Variants in DENND1A observed in about 807,000 individuals in gnomAD.
DENND1A encodes the protein DENN domain-containing protein 1A.
A neutral mutation model predicts 113.7 loss-of-function variants in DENND1A; 51 were observed. The observed-to-expected ratio is 0.45, with a 90% CI of 0.36 to 0.57. The LOEUF is 0.57. Among genes scored for constraint, DENND1A ranks in the 20% least tolerant of loss-of-function variants. The probability of loss-of-function intolerance (pLI) is 0.00; values close to 1 mark genes in which losing one functional copy is unlikely to be tolerated. For synonymous variants in DENND1A, 565 were observed against 570.8 expected (o/e 0.99, Z 0.14); for missense variants, 1,258 against 1,395.9 (o/e 0.90, Z 1.57).
rs147586995 is a variant in DENND1A, at chr9:123,780,132, G to T, written c.133-10569C>A. Among the ~76,000 whole-genome samples, 1,078 of 152,284 alleles carry T rather than the reference G, an allele frequency of 7.1e-3. 4 individuals are homozygous for T. Among genetic ancestry groups the T allele is most frequent in the South Asian group, 0.016 (76 of 4,830 alleles). On this transcript the variant is annotated intron_variant, in intron 3 of 23. Coordinates refer to ENST00000394215, the MANE Select transcript of DENND1A (RefSeq NM_001352964.2). ...GCGTCCCAAAGTACTGGGATTACAG[G>T]CGTGAGCCACCATGCCCAGTCTTGC...
rs144335906 is a variant in DENND1A, at chr9:123,558,155, C to T, written c.868-460G>A. 2.1e-3 allele frequency among the ~76,000 whole-genome samples: 321 copies of T among 152,168 alleles called. 1 individual carries two copies. The highest frequency in any genetic ancestry group is 7.2e-3 in the Admixed American group (110 of 15,296). ...TTACAATTTAGTTATTTTAACAATC[C>T]GGTGAGGAAGGGATTAATGTTCCCA... On this transcript the variant is annotated intron_variant, in intron 12 of 23. Coordinates refer to ENST00000394215, the MANE Select transcript of DENND1A (RefSeq NM_001352964.2).
At chr9:123,806,598 G>T (rs1171917038) in intron 2 of DENND1A, among the ~76,000 whole-genome samples, 2 of 152,158 alleles carry the variant, frequency 1.3e-5, no homozygotes, top group Non-Finnish European at 2.9e-5. Context: ...CATGTTCAGA[G>T]TAACTTGTGA....
At position 123,383,708 on chromosome 9, in the gene DENND1A, C is replaced by T; in HGVS notation, c.1966G>A (p.Asp656Asn). The change falls in exon 23 of 24, where the codon GAC (aspartate) becomes AAC (asparagine). Residue 656 changes from aspartate (D) to asparagine (N), a missense_variant. This residue lies in a region of DENND1A where 1,159 missense variants were observed against 1,231.7 expected (regional missense o/e 0.94). Coordinates refer to ENST00000394215, the MANE Select transcript of DENND1A (RefSeq NM_001352964.2). ...QPLGQAKSLE[D>N]LRAPKDLREQ... ...CTCAGGTCTTTGGGGGCACGAAGGT[C>T]CTCTAAGCTCTTGGCCTGGCCCAGT... 1 of 1,614,148 alleles carries T rather than the reference C, an allele frequency of 6.2e-7. No homozygotes were observed. The highest frequency in any genetic ancestry group is 8.5e-7 in the Non-Finnish European group (1 of 1,180,024).
chr9:123,401,037 G>T (rs866824645), intron 21 of DENND1A: 1 of 152,088 alleles, frequency 6.6e-6, no homozygotes, highest in Admixed American at 6.6e-5. Context: ...CAGATTAAAG[G>T]GCCAGGCACC....
At chr9:123,813,395 G>T in intron 2 of DENND1A, among the ~76,000 whole-genome samples, 1 of 151,248 alleles carries the variant, frequency 6.6e-6, no homozygotes, top group Non-Finnish European at 1.5e-5. Flanking sequence ...TATCAAGGCT[G>T]TGAGTAGGAC....
chr9:123,651,914 T>C (rs2062681660), intron 9 of DENND1A, 99 bp downstream of exon 9: 3 of 985,176 alleles, frequency 3.0e-6, no homozygotes, highest in East Asian at 2.6e-5. Flanking sequence ...AAGGGGACTG[T>C]AGCTGACTCC....
At chr9:123,598,931 C>G (rs2059822427) in intron 11 of DENND1A, among the ~76,000 whole-genome samples, 1 of 152,200 alleles carries the variant, frequency 6.6e-6, no homozygotes, top group African/African-American at 2.4e-5. Context: ...CAGCTCCAAT[C>G]TGCACCTTTT....
intron 11 of DENND1A, among the ~76,000 whole-genome samples, chr9:123,600,103 T>C (rs2059877450): frequency 6.6e-6 from 1 of 152,210 alleles, no homozygotes; most frequent in African/African-American, 2.4e-5. Context: ...CAGTCTCACG[T>C]GGCCGGGCTC....
intron 21 of DENND1A, chr9:123,400,349 G>A (rs943986026): frequency 6.6e-5 from 10 of 152,190 alleles, no homozygotes; most frequent in African/African-American, 2.2e-4. Flanking sequence ...AAAATCGTCC[G>A]TGCTTGCGCC....
At chr9:123,903,118 G>C (rs1851991141) in intron 1 of DENND1A, among the ~76,000 whole-genome samples, 1 of 151,540 alleles carries the variant, frequency 6.6e-6, no homozygotes, top group Admixed American at 6.6e-5. Flanking sequence ...GGATCACGAG[G>C]TCAGGAGATC....
chr9:123,454,168 G>T (rs1168767520), intron 16 of DENND1A, among the ~76,000 whole-genome samples: 1 of 152,202 alleles, frequency 6.6e-6, no homozygotes, highest in Non-Finnish European at 1.5e-5. Context: ...CCTGCTCCCT[G>T]CTGCATCCCC....
intron 13 of DENND1A, among the ~76,000 whole-genome samples, chr9:123,530,381 A>T (rs2055199186): frequency 6.6e-6 from 1 of 152,222 alleles, no homozygotes; most frequent in African/African-American, 2.4e-5. Flanking sequence ...ATAGAAACAG[A>T]TGAGAGAAGA....
rs564063972 is a variant in DENND1A, at chr9:123,877,152, A to G, written c.88+1799T>C. Among the ~76,000 whole-genome samples, 71 of 152,350 alleles carry G rather than the reference A, an allele frequency of 4.7e-4. 1 individual carries two copies. Among genetic ancestry groups the G allele is most frequent in the African/African-American group, 1.7e-3 (70 of 41,584 alleles). ...GACTTCACCACTATGCAATATATGC[A>G]TGTAACACAACTGCTCTTGTAACCC... On this transcript the variant is annotated intron_variant, in intron 2 of 23. Coordinates refer to ENST00000394215, the MANE Select transcript of DENND1A (RefSeq NM_001352964.2).
chr9:123,816,951 G>A (rs1837598814), intron 2 of DENND1A, among the ~76,000 whole-genome samples: 2 of 152,142 alleles, frequency 1.3e-5, no homozygotes, highest in African/African-American at 2.4e-5. Context: ...AGAAGGTAAG[G>A]ACCTGTAGAC....
At chr9:123,750,098 T>G (rs1248087341) in intron 5 of DENND1A, among the ~76,000 whole-genome samples, 1 of 152,184 alleles carries the variant, frequency 6.6e-6, no homozygotes, top group East Asian at 1.9e-4. Context: ...CCAGCCCCCA[T>G]GGCCACTGCA....
chr9:123,478,737 G>A (rs964622865), intron 13 of DENND1A, among the ~76,000 whole-genome samples: 7 of 152,196 alleles, frequency 4.6e-5, no homozygotes, highest in African/African-American at 1.7e-4. Context: ...TAGGTATGCA[G>A]GTATTCACCA....
intron 1 of DENND1A, among the ~76,000 whole-genome samples, chr9:123,882,778 G>A (rs1264175660): frequency 6.6e-6 from 1 of 152,176 alleles, no homozygotes; most frequent in Non-Finnish European, 1.5e-5. Context: ...TAGTCCTGGA[G>A]CTGCACATTG....
intron 20 of DENND1A, among the ~76,000 whole-genome samples, chr9:123,404,549 C>G (rs1588361030): frequency 6.6e-6 from 1 of 151,422 alleles, no homozygotes. Context: ...GGCACACACT[C>G]CACCTCCTGC....
chr9:123,910,375 C>T (rs1564490102), intron 1 of DENND1A, among the ~76,000 whole-genome samples: 1 of 152,136 alleles, frequency 6.6e-6, no homozygotes. Context: ...AAAGAATCGT[C>T]TTGATAAATG....
Sources: gnomAD v4.1 joint callset for allele counts (sites outside exome capture counted in the v4.1 genomes callset) on GRCh38, gnomAD v4.1.1 for gene constraint, gnomAD v4.1.1 regional missense constraint, MANE v1.5 for transcripts, NCBI Gene and HGNC (gene_info 2026-07-23, HGNC 2026-07-21) for gene names.